Variants in OCM observed in about 807,000 individuals in gnomAD.
The protein encoded by OCM is oncomodulin, also known as oncomodulin-1.
Under a neutral mutation model 14.1 loss-of-function variants are expected in OCM, and 18 were observed. The ratio of observed to expected loss-of-function variants is 1.28; its 90% CI spans 0.88 to 1.89. OCM has a LOEUF of 1.89. Among genes scored for constraint, OCM ranks in the 40% most tolerant of loss-of-function variants. The pLI is 0.00. For missense variants in OCM, 140 were observed against 137.6 expected (o/e 1.02, Z -0.09); for synonymous variants, 48 against 51.0 (o/e 0.94, Z 0.25).
the OCM span, among the ~76,000 whole-genome samples, chr7:5,867,087 A>T: frequency 6.6e-6 from 1 of 152,156 alleles, no homozygotes; most frequent in Admixed American, 6.6e-5. Context: ...TCCAATTGCT[A>T]AGAGAAGCAA....
chr7:5,868,722 A>C, the OCM span, among the ~76,000 whole-genome samples: 4 of 152,090 alleles, frequency 2.6e-5, no homozygotes, highest in Admixed American at 2.0e-4. Context: ...GAAGTCTGAC[A>C]CCCATAACAG....
chr7:5,873,450 C>A, the OCM span, among the ~76,000 whole-genome samples: 7 of 151,962 alleles, frequency 4.6e-5, no homozygotes, highest in Non-Finnish European at 7.4e-5. Flanking sequence ...TGTAGTCCCA[C>A]CTACTCAGGA....
At chr7:5,884,235 G>A (rs986196437) in intron 3 of OCM, among the ~76,000 whole-genome samples, 1 of 152,142 alleles carries the variant, frequency 6.6e-6, no homozygotes, top group Non-Finnish European at 1.5e-5. Flanking sequence ...CATTGTCTAT[G>A]AGCTGCAAAA....
chr7:5,862,162 A>G, the OCM span, among the ~76,000 whole-genome samples: 1 of 152,156 alleles, frequency 6.6e-6, no homozygotes, highest in Non-Finnish European at 1.5e-5. Context: ...TAAAGACAGG[A>G]TCCATACACC....
the OCM span, among the ~76,000 whole-genome samples, chr7:5,869,753 C>T: frequency 5.3e-5 from 8 of 152,098 alleles, no homozygotes; most frequent in South Asian, 2.1e-4. Context: ...AACAACTCAC[C>T]GCCCTGCCCA....
At chr7:5,862,965 C>G in the OCM span, among the ~76,000 whole-genome samples, 4 of 151,530 alleles carry the variant, frequency 2.6e-5, no homozygotes, top group African/African-American at 4.9e-5. Context: ...ATGGACTCCT[C>G]TACTCCCTCT....
At chr7:5,863,522 G>A in the OCM span, among the ~76,000 whole-genome samples, 2 of 149,946 alleles carry the variant, frequency 1.3e-5, no homozygotes, top group African/African-American at 4.9e-5. Flanking sequence ...GATAGGATGT[G>A]GATGGTTCAT....
chr7:5,870,521 C>G, the OCM span, among the ~76,000 whole-genome samples: 1 of 152,142 alleles, frequency 6.6e-6, no homozygotes, highest in Non-Finnish European at 1.5e-5. Context: ...CTGTGTCTTA[C>G]AAAATAAGCC....
At chr7:5,875,553 C>A (rs1781079012), upstream of OCM, among the ~76,000 whole-genome samples, 1 of 152,086 alleles carries the variant, frequency 6.6e-6, no homozygotes, top group East Asian at 1.9e-4. Flanking sequence ...AGCAATCTTC[C>A]CATCTCGGCC....
chr7:5,860,474 CG>C, the OCM span, among the ~76,000 whole-genome samples: 1 of 34,296 alleles, frequency 2.9e-5, no homozygotes, highest in Non-Finnish European at 4.5e-5. Flanking sequence ...CGTATATATA[CG>C]TGTATATATA....
upstream of OCM, among the ~76,000 whole-genome samples, chr7:5,875,905 A>G (rs1239862385): frequency 6.6e-6 from 1 of 151,112 alleles, no homozygotes; most frequent in Non-Finnish European, 1.5e-5. Context: ...GTGCAATTGT[A>G]ACTTGCAGCA....
upstream of OCM, among the ~76,000 whole-genome samples, chr7:5,877,241 A>G (rs1027607605): frequency 6.6e-6 from 1 of 152,018 alleles, no homozygotes; most frequent in Non-Finnish European, 1.5e-5. Context: ...AGCAGGGTGG[A>G]TCACTTGAGT....
chr7:5,884,166 T>C (rs1359881665), intron 3 of OCM, among the ~76,000 whole-genome samples, 167 bp downstream of exon 3: 2 of 152,126 alleles, frequency 1.3e-5, no homozygotes, highest in East Asian at 3.9e-4. Context: ...ATGCAAATGA[T>C]GTGTGTAAAA....
the OCM span, among the ~76,000 whole-genome samples, chr7:5,871,506 T>C: frequency 2.6e-5 from 4 of 152,142 alleles, no homozygotes; most frequent in Admixed American, 1.3e-4. Flanking sequence ...TCTCCCTTTT[T>C]CATCACGGGG....
chr7:5,861,819 T>C, the OCM span, among the ~76,000 whole-genome samples: 87 of 152,186 alleles, frequency 5.7e-4, no homozygotes, highest in African/African-American at 2.0e-3. Context: ...GCTCAAGTGA[T>C]CCTACCGCCT....
At chr7:5,885,801 G>C (rs4343990) in intron 3 of OCM, among the ~76,000 whole-genome samples, 26,121 of 151,872 alleles carry the variant, frequency 0.17, 2,531 homozygotes, top group East Asian at 0.47. Context: ...AGTAGAGACA[G>C]GGTTTCACCA....
At chr7:5,872,257 C>A in the OCM span, among the ~76,000 whole-genome samples, 1 of 152,088 alleles carries the variant, frequency 6.6e-6, no homozygotes, top group Admixed American at 6.6e-5. Context: ...CCTTGTTATT[C>A]ATTCATTTCA....
At chr7:5,869,400 C>G in the OCM span, among the ~76,000 whole-genome samples, 1 of 152,028 alleles carries the variant, frequency 6.6e-6, no homozygotes, top group African/African-American at 2.4e-5. Context: ...GAGGTCGAGA[C>G]CAGCCTGACC....
the OCM span, among the ~76,000 whole-genome samples, chr7:5,865,312 C>A: frequency 6.6e-6 from 1 of 152,166 alleles, no homozygotes; most frequent in African/African-American, 2.4e-5. Context: ...AAAACCAGGA[C>A]ATGCTGAATT....
Sources: gnomAD v4.1 joint callset for allele counts (sites outside exome capture counted in the v4.1 genomes callset) on GRCh38, gnomAD v4.1.1 for gene constraint, MANE v1.5 for transcripts, NCBI Gene and HGNC (gene_info 2026-07-23, HGNC 2026-07-21) for gene names.